Variants in MAGT1 observed in about 807,000 individuals in gnomAD.
MAGT1 encodes the protein dolichyl-diphosphooligosaccharide--protein glycosyltransferase subunit MAGT1.
Under a neutral mutation model 28.4 loss-of-function variants are expected in MAGT1, and 4 were observed. The observed-to-expected ratio is 0.14, with a 90% CI of 0.07 to 0.32. MAGT1 has a LOEUF of 0.32. MAGT1 is among the 10% of genes least tolerant of loss of function. The probability of loss-of-function intolerance (pLI) is 1.00; values close to 1 mark genes in which losing one functional copy is unlikely to be tolerated. For synonymous variants in MAGT1, 89 were observed against 89.7 expected (o/e 0.99, Z 0.04); for missense variants, 193 against 264.5 (o/e 0.73, Z 1.88).
intron 8 of MAGT1, among the ~76,000 whole-genome samples, chrX:77,839,559 G>A (rs1337073093): frequency 2.0e-5 from 2 of 100,920 alleles, no homozygotes; most frequent in Non-Finnish European, 4.0e-5. Context: ...CCAGGCTGGA[G>A]TGCAGTGGCG....
intron 1 of MAGT1, among the ~76,000 whole-genome samples, chrX:77,893,416 T>A (rs2077089616): frequency 8.9e-6 from 1 of 111,741 alleles, no homozygotes; most frequent in Admixed American, 9.6e-5. Flanking sequence ...ATTTATTGCC[T>A]TAACATAAAA....
chrX:77,893,775 T>C (rs1488089214), intron 1 of MAGT1, among the ~76,000 whole-genome samples: 1 of 110,595 alleles, frequency 9.0e-6, no homozygotes, highest in Non-Finnish European at 1.9e-5. Context: ...CACATGCCGG[T>C]AGTCCTAGAT....
chrX:77,857,532 C>T (rs782630285), intron 3 of MAGT1, 35 bp from the exon 4 acceptor site: 84 of 1,196,697 alleles, frequency 7.0e-5, no homozygotes, highest in Non-Finnish European at 8.7e-5. Context: ...TATACATTAT[C>T]AGGAAAATAA....
chrX:77,841,432 T>A lies in MAGT1; in HGVS notation c.827-112A>T, dbSNP rs1252331785. ...AATGAATATATAAACCTTCAACTCT[T>A]CATTATAAAAAACCAAAATAAGGAA... On this transcript the variant is annotated intron_variant, in intron 7 of 9. Coordinates refer to ENST00000618282, the MANE Select transcript of MAGT1 (RefSeq NM_001367916.1). 4 of 552,774 alleles carry A rather than the reference T, an allele frequency of 7.2e-6. No individual in the cohort carries two copies. The Admixed American group carries it at 8.7e-5, about 12-fold the overall frequency. The allele number at this position is 552,774 out of a possible 1,213,427, so 45.6% of individuals were successfully genotyped here.
chrX:77,847,524 T>C (rs1428296643), intron 7 of MAGT1, among the ~76,000 whole-genome samples: 1 of 111,838 alleles, frequency 8.9e-6, no homozygotes, highest in African/African-American at 3.2e-5. Context: ...TCTGTGTTGC[T>C]CACGCTGGGA....
intron 7 of MAGT1, among the ~76,000 whole-genome samples, chrX:77,842,698 G>A (rs989284088): frequency 9.1e-6 from 1 of 109,808 alleles, no homozygotes; most frequent in South Asian, 3.9e-4. Flanking sequence ...GTGGTGGCAG[G>A]CGCCTGTAAT....
intron 1 of MAGT1, among the ~76,000 whole-genome samples, chrX:77,879,893 C>T (rs1272409285): frequency 4.4e-5 from 4 of 90,635 alleles, no homozygotes; most frequent in Admixed American, 2.8e-4. Flanking sequence ...GGCTGAAGTG[C>T]GATGGCATGA....
intron 7 of MAGT1, among the ~76,000 whole-genome samples, chrX:77,844,224 GTTTA>G (rs1399709662): frequency 1.8e-5 from 2 of 112,034 alleles, no homozygotes; most frequent in African/African-American, 3.2e-5. Context: ...AGATTTTCTA[GTTTA>G]TTTGTGTAGA....
chrX:77,877,744 C>T (rs782283141), intron 1 of MAGT1, among the ~76,000 whole-genome samples: 5 of 107,061 alleles, frequency 4.7e-5, no homozygotes, highest in Admixed American at 1.0e-4. Context: ...ACCTGGGAGG[C>T]GGAGGTTGCG....
At chrX:77,876,165 T>TATATATATATATATATA (rs1491126690) in intron 1 of MAGT1, among the ~76,000 whole-genome samples, 2 of 13,364 alleles carry the variant, frequency 1.5e-4, no homozygotes, top group African/African-American at 1.9e-4. Context: ...TATATATATA[T>TATATATATATATATATA]TTTTTTTTTT....
At chrX:77,876,132 TTATATATATATATATA>T (rs1222026237) in intron 1 of MAGT1, among the ~76,000 whole-genome samples, 8 of 34,082 alleles carry the variant, frequency 2.3e-4, no homozygotes, top group Non-Finnish European at 3.2e-4. Context: ...CACCTGGCCT[TTATATATATATATATA>T]TATATATATA....
chrX:77,870,243 C>T (rs1160225608), intron 3 of MAGT1, among the ~76,000 whole-genome samples: 1 of 109,814 alleles, frequency 9.1e-6, no homozygotes, highest in East Asian at 2.8e-4. Flanking sequence ...ACGTTGGGAA[C>T]TTTGGGGGAA....
At chrX:77,874,895 C>T (rs2149024890) in intron 2 of MAGT1, among the ~76,000 whole-genome samples, 1 of 108,082 alleles carries the variant, frequency 9.3e-6, no homozygotes, top group Admixed American at 9.9e-5. Flanking sequence ...CGCTCTGTCG[C>T]CCAGGCTGGA....
At chrX:77,838,689 C>T (rs1345674449) in intron 8 of MAGT1, among the ~76,000 whole-genome samples, 1 of 104,007 alleles carries the variant, frequency 9.6e-6, no homozygotes, top group East Asian at 3.1e-4. Flanking sequence ...ACCCAGGAGG[C>T]GGAGGTTGCA....
rs782203977 is a variant in MAGT1 at position 77,833,002 on chromosome X, C to A, written c.902-2107G>T. Among the ~76,000 whole-genome samples the A allele has an allele frequency of 1.5e-3, 167 of 111,513 alleles. 1 individual carries two copies. Among genetic ancestry groups the A allele is most frequent in the African/African-American group, 5.1e-3 (158 of 30,837 alleles). ...TTTTCTAATTTACAAAAAAGAAGTG[C>A]AGCTTGCTGCCAATGCTCATTTAAT... On this transcript the variant is annotated intron_variant, in intron 8 of 9. Transcript: ENST00000618282.
intron 7 of MAGT1, 84 bp from the exon 8 acceptor site, chrX:77,841,404 T>C: frequency 1.5e-6 from 1 of 668,578 alleles, no homozygotes; most frequent in Non-Finnish European, 2.5e-6. Context: ...TGAAGAAAAT[T>C]AAAATGAATA....
At chrX:77,878,805 G>GAAAAAAAAAAAAAAAAAAAAAAAAAAAAA (rs1281237644) in intron 1 of MAGT1, among the ~76,000 whole-genome samples, 1 of 72,380 alleles carries the variant, frequency 1.4e-5, no homozygotes. Flanking sequence ...AAAAAAAAAA[G>GAAAAAAAAAAAAAAAAAAAAAAAAAAAAA]AAAAAAAAAA....
intron 1 of MAGT1, among the ~76,000 whole-genome samples, chrX:77,885,894 C>T (rs1432724103): frequency 9.0e-6 from 1 of 110,724 alleles, no homozygotes; most frequent in Non-Finnish European, 1.9e-5. Flanking sequence ...GCAGGAGAAT[C>T]GCTTGAACCC....
At chrX:77,831,890 G>A (rs2076899686) in intron 8 of MAGT1, among the ~76,000 whole-genome samples, 1 of 111,657 alleles carries the variant, frequency 9.0e-6, no homozygotes, top group African/African-American at 3.2e-5. Flanking sequence ...ACGGTGCCCG[G>A]CTTACTTATT....
Sources: gnomAD v4.1 joint callset for allele counts (sites outside exome capture counted in the v4.1 genomes callset) on GRCh38, gnomAD v4.1.1 for gene constraint, MANE v1.5 for transcripts, NCBI Gene and HGNC (gene_info 2026-07-23, HGNC 2026-07-21) for gene names.